Variants in CDKL3 observed in about 807,000 individuals in gnomAD.
CDKL3 encodes cyclin dependent kinase like 3.
CDKL3 carries 65 observed loss-of-function variants against 69.3 expected under a neutral mutation model. The ratio of observed to expected loss-of-function variants is 0.94; its 90% CI spans 0.77 to 1.15. The LOEUF (loss-of-function observed/expected upper bound fraction) is 1.15. Ranked by LOEUF, CDKL3 falls within the 50% of genes most tolerant of loss-of-function variation. The probability of loss-of-function intolerance (pLI) is 0.00; values close to 1 mark genes in which losing one functional copy is unlikely to be tolerated. For missense variants in CDKL3, 652 were observed against 689.2 expected (o/e 0.95, Z 0.61); for synonymous variants, 202 against 221.6 (o/e 0.91, Z 0.79).
At chr5:134,338,841 T>C (rs181685747) in intron 4 of CDKL3, among the ~76,000 whole-genome samples, 77 of 151,956 alleles carry the variant, frequency 5.1e-4, no homozygotes, top group African/African-American at 1.8e-3. Context: ...GCAGATGTAA[T>C]TACAACTACG....
downstream of CDKL3, among the ~76,000 whole-genome samples, chr5:134,283,665 A>C (rs141581660): frequency 1.2e-3 from 190 of 152,118 alleles, 1 homozygote; most frequent in Middle Eastern, 3.4e-3. Flanking sequence ...GCCCCTCCCA[A>C]ATCTCATATC....
At chr5:134,317,497 G>A (rs1029369284) in intron 6 of CDKL3, among the ~76,000 whole-genome samples, 6 of 152,120 alleles carry the variant, frequency 3.9e-5, no homozygotes, top group African/African-American at 1.4e-4. Context: ...AGTTGCTTAT[G>A]CCTGTGATCC....
chr5:134,339,257 GA>G (rs534635197), intron 4 of CDKL3, among the ~76,000 whole-genome samples: 7 of 151,918 alleles, frequency 4.6e-5, no homozygotes, highest in South Asian at 2.1e-4. Flanking sequence ...CCTGGAGGGG[GA>G]AAAAAACCTC....
At chr5:134,371,531 C>T (rs1417472307), upstream of CDKL3, 13 of 1,305,442 alleles carry the variant, frequency 1.0e-5, no homozygotes, top group East Asian at 3.8e-5. Flanking sequence ...GCCGCCGCGC[C>T]GGGGGGTGGG....
chr5:134,357,564 G>A (rs1262838425), intron 3 of CDKL3, among the ~76,000 whole-genome samples: 7 of 152,106 alleles, frequency 4.6e-5, no homozygotes, highest in Non-Finnish European at 1.0e-4. Flanking sequence ...CCCAGAAGGC[G>A]GAAGTTGCAG....
chr5:134,368,643 A>T (rs1021840590), upstream of CDKL3, among the ~76,000 whole-genome samples: 2 of 143,152 alleles, frequency 1.4e-5, no homozygotes, highest in African/African-American at 2.5e-5. Flanking sequence ...AAAAAAAAAG[A>T]AAGTTATTCA....
chr5:134,319,203 T>A, intron 6 of CDKL3, 155 bp downstream of exon 6: 1 of 493,062 alleles, frequency 2.0e-6, no homozygotes, highest in Non-Finnish European at 3.4e-6. Flanking sequence ...TGGTGGCAGG[T>A]GCCTGTAATC....
At chr5:134,300,822 AC>A (rs1410684724) in intron 12 of CDKL3, among the ~76,000 whole-genome samples, 2 of 152,118 alleles carry the variant, frequency 1.3e-5, no homozygotes, top group Non-Finnish European at 2.9e-5. Flanking sequence ...AATGGGATAA[AC>A]ACATGAGGCA....
chr5:134,320,792 T>G (rs1024570606), intron 5 of CDKL3, among the ~76,000 whole-genome samples: 1 of 150,364 alleles, frequency 6.7e-6, no homozygotes, highest in African/African-American at 2.5e-5. Flanking sequence ...GAGAATGGCA[T>G]GAACCCAGGA....
At chr5:134,360,934 A>G (rs1755848836) in intron 2 of CDKL3, among the ~76,000 whole-genome samples, 1 of 152,230 alleles carries the variant, frequency 6.6e-6, no homozygotes, top group South Asian at 2.1e-4. Flanking sequence ...ATCTTCAGAT[A>G]TGTGAACTAC....
chr5:134,356,650 G>C (rs755370790), intron 3 of CDKL3, among the ~76,000 whole-genome samples: 15 of 152,060 alleles, frequency 9.9e-5, no homozygotes, highest in Non-Finnish European at 1.6e-4. Flanking sequence ...TGGGTGTGGT[G>C]GTGGGCACCT....
chr5:134,299,581 A>T, intron 12 of CDKL3: 1 of 1,332,334 alleles, frequency 7.5e-7, no homozygotes, highest in South Asian at 1.6e-5. Flanking sequence ...AGGATTTACG[A>T]TATACCTGTA....
At chr5:134,337,439 C>T (rs184268613) in intron 4 of CDKL3, among the ~76,000 whole-genome samples, 6 of 152,336 alleles carry the variant, frequency 3.9e-5, no homozygotes, top group African/African-American at 1.2e-4. Flanking sequence ...CTGCATTAGT[C>T]TTGCTGGGAG....
At chr5:134,303,884 A>G (rs1767033783) in intron 11 of CDKL3, among the ~76,000 whole-genome samples, 1 of 151,900 alleles carries the variant, frequency 6.6e-6, no homozygotes, top group African/African-American at 2.4e-5. Context: ...TTAATAATTT[A>G]CCTTTTAAAG....
At chr5:134,331,829 T>G (rs535225642) in intron 4 of CDKL3, among the ~76,000 whole-genome samples, 5 of 152,184 alleles carry the variant, frequency 3.3e-5, no homozygotes, top group Non-Finnish European at 7.4e-5. Flanking sequence ...GTAATGGGAT[T>G]GCTGGGTCAA....
At chr5:134,321,267 C>T (rs941597786) in intron 5 of CDKL3, among the ~76,000 whole-genome samples, 5 of 152,026 alleles carry the variant, frequency 3.3e-5, no homozygotes, top group Non-Finnish European at 5.9e-5. Context: ...CTGCCTTGGC[C>T]TCCCAAAGTG....
At chr5:134,331,370 T>C (rs1050516661) in intron 4 of CDKL3, among the ~76,000 whole-genome samples, 2 of 152,176 alleles carry the variant, frequency 1.3e-5, no homozygotes, top group East Asian at 3.9e-4. Flanking sequence ...GTTTGTTACA[T>C]AGGTATATGT....
rs561084764 is a variant in CDKL3, at chr5:134,362,266, T to C, written c.166-2175A>G. ...TCAGGCCGGTGGCTCACTTCTATAA[T>C]CCCAGCACTTTGGTAGGCCAAGGCA... On this transcript the variant is annotated intron_variant, in intron 2 of 12. Coordinates refer to ENST00000265334, the MANE Select transcript of CDKL3 (RefSeq NM_001113575.2). 2.6e-5 allele frequency among the ~76,000 whole-genome samples: 4 copies of C among 152,320 alleles called. No homozygotes were observed. In the East Asian group the frequency reaches 7.7e-4, roughly 29 times the overall value.
intron 12 of CDKL3, among the ~76,000 whole-genome samples, chr5:134,300,600 C>T (rs1320040138): frequency 6.6e-6 from 1 of 152,126 alleles, no homozygotes; most frequent in Non-Finnish European, 1.5e-5. Context: ...AGTCACTTGT[C>T]AGAGCTGCAT....
Sources: allele counts gnomAD v4.1 joint callset (sites outside exome capture counted in the v4.1 genomes callset), GRCh38; gene constraint gnomAD v4.1.1; transcripts MANE v1.5; gene names NCBI Gene and HGNC (gene_info 2026-07-23, HGNC 2026-07-21).